The following LPP variants were observed in gnomAD, a reference collection of about 807,000 sequenced individuals.
LPP encodes the protein lipoma-preferred partner.
LPP carries 38 observed loss-of-function variants against 60.4 expected under a neutral mutation model. The observed-to-expected ratio is 0.63, with a 90% confidence interval of 0.49 to 0.83. The LOEUF (loss-of-function observed/expected upper bound fraction) is 0.83, where lower values mean the gene tolerates loss of function less well. LPP is among the 40% of genes least tolerant of loss of function. LPP has a pLI of 0.00. For synonymous variants in LPP, 328 were observed against 290.8 expected (o/e 1.13, Z -1.30); for missense variants, 902 against 783.6 (o/e 1.15, Z -1.80).
intron 9 of LPP, among the ~76,000 whole-genome samples, chr3:188,783,279 C>T (rs958723983): frequency 6.6e-6 from 1 of 152,056 alleles, no homozygotes; most frequent in African/African-American, 2.4e-5. Flanking sequence ...ACACTATTCA[C>T]AATAGCAAAG....
chr3:188,203,455 ATAAATATATATATTTT>A (rs1731827470), intron 1 of LPP, among the ~76,000 whole-genome samples: 1 of 90,356 alleles, frequency 1.1e-5, no homozygotes, highest in Admixed American at 1.9e-4. Context: ...ATAAATATAT[ATAAATATATATATTTT>A]TAAATATATA....
At chr3:188,389,964 G>C (rs1446186075) in intron 3 of LPP, among the ~76,000 whole-genome samples, 1 of 152,112 alleles carries the variant, frequency 6.6e-6, no homozygotes, top group Non-Finnish European at 1.5e-5. Context: ...CCTGGAGTTT[G>C]GCCTCACTCT....
chr3:188,849,199 G>GGAC (rs1186201278), intron 9 of LPP, among the ~76,000 whole-genome samples: 2 of 152,084 alleles, frequency 1.3e-5, no homozygotes, highest in Non-Finnish European at 2.9e-5. Flanking sequence ...GAGGACGGAG[G>GGAC]GACCCTTTTC....
At chr3:188,171,376 AC>A (rs1252042371) in intron 1 of LPP, among the ~76,000 whole-genome samples, 2 of 152,136 alleles carry the variant, frequency 1.3e-5, no homozygotes, top group African/African-American at 4.8e-5. Context: ...CTTTTTAGTC[AC>A]CCAAGCTTAT....
At position 188,708,408 on chromosome 3, in the gene LPP, G is replaced by T; in HGVS notation, c.1240+15G>T. Reference sequence around the variant, plus strand: ...CGAATACTTTGGTGAGTGGGGCCTAGAGCTGACTTCTGAAGTAACTATCTT... The same window carrying T: ...CGAATACTTTGGTGAGTGGGGCCTATAGCTGACTTCTGAAGTAACTATCTT... On this transcript the variant is annotated intron_variant, in intron 8 of 11. Coordinates refer to ENST00000617246, the MANE Select transcript of LPP (RefSeq NM_001375462.1). 5.0e-6 allele frequency: 8 copies of T among 1,614,194 alleles called. No homozygotes were observed. The highest frequency in any genetic ancestry group is 6.8e-6 in the Non-Finnish European group (8 of 1,180,018).
chr3:188,416,605 C>T (rs1786338118), intron 4 of LPP, among the ~76,000 whole-genome samples: 1 of 152,154 alleles, frequency 6.6e-6, no homozygotes, highest in Non-Finnish European at 1.5e-5. Context: ...GAGTCTTTAT[C>T]TTGTGAACAT....
At chr3:188,729,484 A>C (rs1719638452) in intron 8 of LPP, among the ~76,000 whole-genome samples, 1 of 152,216 alleles carries the variant, frequency 6.6e-6, no homozygotes, top group African/African-American at 2.4e-5. Context: ...AAAGCCACTT[A>C]ATAGGGAATA....
intron 3 of LPP, among the ~76,000 whole-genome samples, chr3:188,399,808 T>C (rs1337679822): frequency 1.3e-5 from 2 of 152,210 alleles, no homozygotes; most frequent in African/African-American, 4.8e-5. Context: ...GTTTTGGTGA[T>C]CTATATAAAT....
chr3:188,541,594 T>C (rs1051069853), intron 6 of LPP, among the ~76,000 whole-genome samples: 1 of 151,898 alleles, frequency 6.6e-6, no homozygotes, highest in African/African-American at 2.4e-5. Context: ...TGCCATTCTG[T>C]CTTTCAGAAT....
rs376184282 is a variant in LPP at position 188,609,239 on chromosome 3, C to T, written c.508C>T (p.Pro170Ser). Residue 170 changes from proline (P) to serine (S), a missense_variant, in exon 7 of 12, where the codon CCC (proline) becomes TCC (serine). Pro to Ser is a moderately conservative substitution (Grantham distance 74). Coordinates refer to ENST00000617246, the MANE Select transcript of LPP (RefSeq NM_001375462.1). The surrounding 1 kb of genome is among the most constrained non-coding windows in gnomAD (Gnocchi z 6.9). Reference protein sequence around the residue: ...GHKRMVIPNQPPLTATKKSTL... With the variant: ...GHKRMVIPNQSPLTATKKSTL... ...CAAGAGAATGGTCATCCCGAACCAA[C>T]CCCCTCTAACAGCAACCAAGAAGTC... The T allele has an allele frequency of 4.0e-5, 65 of 1,613,894 alleles. No individual in the cohort carries two copies. Among genetic ancestry groups the T allele is most frequent in the Non-Finnish European group, 5.2e-5 (61 of 1,180,012 alleles).
At chr3:188,671,294 A>G (rs1856906125) in intron 7 of LPP, among the ~76,000 whole-genome samples, 1 of 152,210 alleles carries the variant, frequency 6.6e-6, no homozygotes, top group Admixed American at 6.5e-5. Flanking sequence ...GGAATAAATT[A>G]TTTTGGCATA....
intron 3 of LPP, among the ~76,000 whole-genome samples, chr3:188,357,287 GCTATTTCA>G (rs1767896330): frequency 1.3e-5 from 2 of 152,158 alleles, no homozygotes; most frequent in African/African-American, 4.8e-5. Flanking sequence ...AAGGTGAACG[GCTATTTCA>G]CTAGATGCTG....
At chr3:188,842,197 G>C (rs1171404769) in intron 9 of LPP, among the ~76,000 whole-genome samples, 2 of 152,094 alleles carry the variant, frequency 1.3e-5, no homozygotes, top group Non-Finnish European at 2.9e-5. Flanking sequence ...GCTATTACCT[G>C]TCTTTTGGAT....
At chr3:188,388,149 A>G (rs575182966) in intron 3 of LPP, among the ~76,000 whole-genome samples, 1 of 152,256 alleles carries the variant, frequency 6.6e-6, no homozygotes, top group South Asian at 2.1e-4. Flanking sequence ...AAGAGGAAAC[A>G]TTTTAGTGAG....
intron 7 of LPP, among the ~76,000 whole-genome samples, chr3:188,691,507 A>G (rs891320788): frequency 3.3e-5 from 5 of 152,248 alleles, no homozygotes; most frequent in Non-Finnish European, 7.3e-5. Context: ...GACGATGTAC[A>G]TGATGATGGT....
chr3:188,769,850 T>C lies in LPP; in HGVS notation c.1410+9568T>C, dbSNP rs1267674842. On this transcript the variant is annotated intron_variant, in intron 9 of 11. Transcript: ENST00000617246. Reference sequence around the variant, plus strand: ...AGTGTAGAAATAGGACAGCGTTTGCTTTCACCCTAACCAGAATGAAGGGTC... The same window carrying C: ...AGTGTAGAAATAGGACAGCGTTTGCCTTCACCCTAACCAGAATGAAGGGTC... Among the ~76,000 whole-genome samples the C allele has an allele frequency of 2.6e-5, 4 of 152,166 alleles. No homozygotes were observed. The East Asian group carries it at 5.8e-4, about 22-fold the overall frequency.
chr3:188,372,621 T>G (rs1168286816), intron 3 of LPP, among the ~76,000 whole-genome samples: 1 of 151,994 alleles, frequency 6.6e-6, no homozygotes, highest in Non-Finnish European at 1.5e-5. Flanking sequence ...TAAAGTTAAG[T>G]GCATTCAAGT....
intron 2 of LPP, among the ~76,000 whole-genome samples, chr3:188,265,539 C>T (rs919848982): frequency 8.5e-5 from 13 of 152,106 alleles, no homozygotes; most frequent in African/African-American, 2.2e-4. Context: ...GAGTTAGGAA[C>T]GCTGTGAGAA....
chr3:188,705,736 C>A (rs1284350164), intron 7 of LPP, among the ~76,000 whole-genome samples: 2 of 152,048 alleles, frequency 1.3e-5, no homozygotes, highest in East Asian at 1.9e-4. Flanking sequence ...CATGCCCCAG[C>A]CTCCTGAGTA....
Sources: gnomAD v4.1 joint callset for allele counts (sites outside exome capture counted in the v4.1 genomes callset) on GRCh38, gnomAD v4.1.1 for gene constraint, Gnocchi (gnomAD v3.1) non-coding constraint, MANE v1.5 for transcripts, NCBI Gene and HGNC (gene_info 2026-07-23, HGNC 2026-07-21) for gene names.